KATNIP: variants seen among roughly 807,000 people sequenced by gnomAD.
KATNIP encodes the protein katanin interacting protein.
A neutral mutation model predicts 174.0 loss-of-function variants in KATNIP; 126 were observed. The ratio of observed to expected loss-of-function variants is 0.72; its 90% CI spans 0.63 to 0.84. KATNIP has a LOEUF of 0.84. Ranked by LOEUF, KATNIP falls within the 40% of genes least tolerant of loss-of-function variation. The probability of loss-of-function intolerance (pLI) is 0.00; values close to 1 mark genes in which losing one functional copy is unlikely to be tolerated. For missense variants in KATNIP, 1,958 were observed against 2,109.7 expected, an observed-to-expected ratio of 0.93 and a Z score of 1.41; for synonymous variants, 810 against 835.7, an observed-to-expected ratio of 0.97 and a Z score of 0.53.
At chr16:27,736,158 A>G (rs146350294) in intron 14 of KATNIP, among the ~76,000 whole-genome samples, 1,790 of 152,194 alleles carry the variant, frequency 0.012, 48 homozygotes, top group African/African-American at 0.04. Flanking sequence ...TCACGCCATC[A>G]TGCCTGGCTA....
chr16:27,591,784 T>C (rs528765760), intron 2 of KATNIP, among the ~76,000 whole-genome samples: 3 of 152,320 alleles, frequency 2.0e-5, no homozygotes, highest in African/African-American at 7.2e-5. Flanking sequence ...TTGGCAGCCA[T>C]ACCATAATGT....
At chr16:27,659,047 G>A (rs560581751) in intron 6 of KATNIP, among the ~76,000 whole-genome samples, 4 of 152,022 alleles carry the variant, frequency 2.6e-5, no homozygotes, top group South Asian at 4.2e-4. Context: ...GATTACAGGC[G>A]TGAGCCACCA....
At chr16:27,692,655 C>T (rs2078776244) in intron 8 of KATNIP, among the ~76,000 whole-genome samples, 1 of 152,148 alleles carries the variant, frequency 6.6e-6, no homozygotes, top group African/African-American at 2.4e-5. Flanking sequence ...GCCTTCGTGT[C>T]CCCACTCAGA....
intron 17 of KATNIP, among the ~76,000 whole-genome samples, 159 bp from the exon 18 acceptor site, chr16:27,754,014 C>T (rs2081616689): frequency 1.3e-5 from 2 of 152,178 alleles, no homozygotes; most frequent in Admixed American, 6.5e-5. Context: ...TATCACTGGT[C>T]CCATAGCTTC....
At position 27,751,922 on chromosome 16, in the gene KATNIP, C is replaced by A. The variant is rs139172052; in HGVS notation, c.3550C>A (p.Arg1184=). 1 of 1,605,398 alleles carries A rather than the reference C, an allele frequency of 6.2e-7. No individual in the cohort carries two copies. The highest frequency in any genetic ancestry group is 8.5e-7 in the Non-Finnish European group (1 of 1,177,314). ...FTQAGLGADE[R]IPELELPSSS... Reference sequence around the variant, plus strand: ...CCAGGCTGGCTTGGGGGCTGATGAACGGGTAGGACTGGAGCTGGGGGGCTG... The same window carrying A: ...CCAGGCTGGCTTGGGGGCTGATGAAAGGGTAGGACTGGAGCTGGGGGGCTG... Residue 1184 remains arginine (R), a splice_region_variant and synonymous_variant, in exon 17 of 28, where the codon CGG becomes AGG. Transcript: ENST00000261588.
chr16:27,573,885 T>G lies in KATNIP; in HGVS notation c.8-16T>G. ...AAAACAGCCTTAATCTTGGTTCTGC[T>G]TTTGAACTGCGACAGGTCAGACTCT... On this transcript the variant is annotated splice_polypyrimidine_tract_variant and intron_variant, in intron 1 of 27. Coordinates refer to ENST00000261588, the MANE Select transcript of KATNIP (RefSeq NM_015202.5). 1 of 1,614,048 alleles carries G rather than the reference T, an allele frequency of 6.2e-7. No homozygotes were observed. The highest frequency in any genetic ancestry group is 8.5e-7 in the Non-Finnish European group (1 of 1,179,918).
chr16:27,607,378 A>G (rs1157305994), intron 2 of KATNIP, among the ~76,000 whole-genome samples: 1 of 152,100 alleles, frequency 6.6e-6, no homozygotes, highest in Non-Finnish European at 1.5e-5. Flanking sequence ...AGGATCTTAG[A>G]GCATAGGATT....
intron 8 of KATNIP, among the ~76,000 whole-genome samples, chr16:27,691,056 A>G (rs2078714350): frequency 6.6e-6 from 1 of 152,150 alleles, no homozygotes. Flanking sequence ...GATTGCTATA[A>G]TAGACCCTTG....
chr16:27,738,593 C>T (rs926052205), intron 14 of KATNIP, among the ~76,000 whole-genome samples: 6 of 152,092 alleles, frequency 3.9e-5, no homozygotes, highest in African/African-American at 1.4e-4. Flanking sequence ...GAGAGGAGAG[C>T]GAGGTGGGGA....
intron 14 of KATNIP, among the ~76,000 whole-genome samples, chr16:27,736,495 T>C (rs1478371449): frequency 6.6e-6 from 1 of 152,198 alleles, no homozygotes; most frequent in Non-Finnish European, 1.5e-5. Flanking sequence ...GGGGCTGCCC[T>C]AGAGGTGTGT....
At chr16:27,679,441 C>T (rs141721523) in intron 7 of KATNIP, among the ~76,000 whole-genome samples, 2 of 152,178 alleles carry the variant, frequency 1.3e-5, no homozygotes, top group East Asian at 1.9e-4. Flanking sequence ...GGGGTACTGG[C>T]GGCTAGGATT....
chr16:27,591,940 G>GT (rs2075183100), intron 2 of KATNIP, among the ~76,000 whole-genome samples: 1 of 151,968 alleles, frequency 6.6e-6, no homozygotes, highest in African/African-American at 2.4e-5. Flanking sequence ...TGCTCTATCC[G>GT]TAACCTGAAG....
At chr16:27,614,253 A>G (rs545101900) in intron 2 of KATNIP, among the ~76,000 whole-genome samples, 176 of 151,886 alleles carry the variant, frequency 1.2e-3, no homozygotes, top group African/African-American at 4.1e-3. Flanking sequence ...GCAACCTCCA[A>G]CCCCCGGGTT....
At position 27,552,698 on chromosome 16, in the gene KATNIP, T is replaced by G. The variant is rs988806681; in HGVS notation, c.7+2521T>G. 4.1e-5 allele frequency among the ~76,000 whole-genome samples: 6 copies of G among 146,342 alleles called. 1 individual carries two copies. The highest frequency in any genetic ancestry group is 7.6e-5 in the African/African-American group (3 of 39,622). On this transcript the variant is annotated intron_variant, in intron 1 of 27. Transcript: ENST00000261588. The stretch of plus-strand genomic sequence containing the variant: ...CCTGCAAGTGGCAGTTTTTTTTTTT[T>G]TTTTTTTTTTTTGAGACGGGAGTTT...
intron 1 of KATNIP, among the ~76,000 whole-genome samples, chr16:27,562,968 C>G (rs1417572607): frequency 6.6e-6 from 1 of 152,210 alleles, no homozygotes; most frequent in Non-Finnish European, 1.5e-5. Flanking sequence ...GTCATGCCTT[C>G]TGTCCCTTTC....
At chr16:27,750,684 G>A (rs1311313399) in intron 16 of KATNIP, among the ~76,000 whole-genome samples, 6 of 147,078 alleles carry the variant, frequency 4.1e-5, no homozygotes, top group East Asian at 2.0e-4. Flanking sequence ...TGCCCGTCTC[G>A]GCCTCCCAAA....
intron 2 of KATNIP, among the ~76,000 whole-genome samples, chr16:27,593,115 A>C (rs74331175): frequency 0.012 from 1,826 of 151,948 alleles, 49 homozygotes; most frequent in African/African-American, 0.041. Flanking sequence ...GTACAAATCG[A>C]CTTTCTTTCT....
At chr16:27,593,058 G>GT (rs1239872678) in intron 2 of KATNIP, among the ~76,000 whole-genome samples, 2 of 152,158 alleles carry the variant, frequency 1.3e-5, no homozygotes, top group Non-Finnish European at 2.9e-5. Context: ...TCCCCTCTCT[G>GT]TAGCTCTTAT....
Position 27,775,000 on chromosome 16 carries a change from C to A in KATNIP, c.4365C>A (p.Val1455=). The A allele has an allele frequency of 6.2e-7, 1 of 1,613,838 alleles. No individual in the cohort carries two copies. Among genetic ancestry groups the A allele is most frequent in the South Asian group, 1.1e-5 (1 of 91,074 alleles). Residue 1455 remains valine (V), a synonymous_variant, in exon 24 of 28, where the codon GTC becomes GTA. Coordinates refer to ENST00000261588, the MANE Select transcript of KATNIP (RefSeq NM_015202.5). The part of the protein sequence containing the change: ...VNSLEGVGGD[V]RTPDKLIDQV... ...CCCTGGAGGGTGTGGGCGGGGACGT[C>A]CGCACCCCAGACAAGCTCATCGACC...
Sources: allele counts gnomAD v4.1 joint callset (sites outside exome capture counted in the v4.1 genomes callset), GRCh38; gene constraint gnomAD v4.1.1; transcripts MANE v1.5; gene names NCBI Gene and HGNC (gene_info 2026-07-23, HGNC 2026-07-21).